Variants in INPP5B observed in about 807,000 individuals in gnomAD.
The protein encoded by INPP5B is inositol polyphosphate-5-phosphatase B, also known as type II inositol 1,4,5-trisphosphate 5-phosphatase.
Under a neutral mutation model 118.5 loss-of-function variants are expected in INPP5B, and 90 were observed. The ratio of observed to expected loss-of-function variants is 0.76; its 90% confidence interval spans 0.64 to 0.90. INPP5B has a LOEUF of 0.90. INPP5B is among the 40% of genes least tolerant of loss of function. The pLI is 0.00. For missense variants in INPP5B, 984 were observed against 1,125.6 expected (o/e 0.87, Z 1.80); for synonymous variants, 385 against 418.9 (o/e 0.92, Z 0.99).
At chr1:37,898,257 C>T (rs1204771612) in intron 7 of INPP5B, among the ~76,000 whole-genome samples, 1 of 151,940 alleles carries the variant, frequency 6.6e-6, no homozygotes, top group Non-Finnish European at 1.5e-5. Flanking sequence ...CAATGGTTGC[C>T]AGGGGTTTTG....
chr1:37,903,392 T>C (rs1644396864), intron 7 of INPP5B, among the ~76,000 whole-genome samples: 1 of 152,154 alleles, frequency 6.6e-6, no homozygotes, highest in East Asian at 1.9e-4. Context: ...ATGGGGAGGC[T>C]TGAATAATCT....
At chr1:37,865,481 G>C (rs978272803) in intron 22 of INPP5B, among the ~76,000 whole-genome samples, 2 of 152,180 alleles carry the variant, frequency 1.3e-5, no homozygotes, top group African/African-American at 4.8e-5. Context: ...AGTGCAATGA[G>C]AATGGAAGAG....
chr1:37,941,917 G>A lies in INPP5B; in HGVS notation c.281-1119C>T, dbSNP rs1448783849. On this transcript the variant is annotated intron_variant, in intron 5 of 23. Coordinates refer to ENST00000373024, the MANE Select transcript of INPP5B (RefSeq NM_005540.3). ...CGCGCCACTGCACTCCAGCCTGGGC[G>A]ACAGAGCGAGACTCCGTCTCAAAAA... Among the ~76,000 whole-genome samples the A allele has an allele frequency of 3.5e-4, 20 of 57,422 alleles. No homozygotes were observed. In the South Asian group the frequency reaches 5.0e-3, roughly 14 times the overall value. 37.7% of individuals were successfully genotyped at this position (57,422 alleles called of 152,430 possible). A position where few individuals can be genotyped will look rare whatever the true frequency, so the allele number is the denominator to read the frequency against.
rs766732597 is a variant in INPP5B, at chr1:37,872,997, G to C, written c.2120C>G (p.Pro707Arg). ...GNYLPSCFGS[P>R]IHTLCYMREP... ...TCTCATGTAACACAGTGTATGAATG[G>C]GAGACCCAAAACAGCTGGGCAGGTA... is the stretch of plus-strand genomic sequence containing the variant. Residue 707 changes from proline to arginine, a missense_variant, in exon 19 of 24, where the codon CCC (proline) becomes CGC (arginine). By Grantham distance (103) the Pro-to-Arg change is moderately radical. Coordinates refer to ENST00000373024, the MANE Select transcript of INPP5B (RefSeq NM_005540.3). The C allele has an allele frequency of 3.7e-6, 6 of 1,614,134 alleles. No homozygotes were observed. The highest frequency in any genetic ancestry group is 1.3e-5 in the African/African-American group (1 of 75,040).
Position 37,943,856 on chromosome 1 carries a change from C to G in INPP5B, c.190G>C (p.Gly64Arg). Reference protein sequence around the residue: ...LYTHRRMAITGDDVSLDQIVP... With the variant: ...LYTHRRMAITRDDVSLDQIVP... ...ATCTGGTCCAGAGAGACATCGTCCCCGGTAATGGCCATCCTCCGGTGCGTA... is the reference window on the plus strand; with the variant it reads ...ATCTGGTCCAGAGAGACATCGTCCCGGGTAATGGCCATCCTCCGGTGCGTA... Residue 64 changes from glycine to arginine, a missense_variant, in exon 4 of 24, where the codon GGG becomes CGG. By Grantham distance (125) the Gly-to-Arg change is moderately radical. Coordinates refer to ENST00000373024, the MANE Select transcript of INPP5B (RefSeq NM_005540.3). 1.9e-6 allele frequency: 3 copies of G among 1,614,076 alleles called. No individual in the cohort carries two copies. The highest frequency in any genetic ancestry group is 2.5e-6 in the Non-Finnish European group (3 of 1,179,998).
At chr1:37,932,134 C>T in intron 6 of INPP5B, 81 bp from the exon 7 acceptor site, 1 of 1,394,668 alleles carries the variant, frequency 7.2e-7, no homozygotes, top group South Asian at 1.5e-5. Flanking sequence ...CCAAGAGACT[C>T]CGGCCCTGTT....
chr1:37,863,150 C>T (rs920337663), intron 23 of INPP5B, among the ~76,000 whole-genome samples: 3 of 151,684 alleles, frequency 2.0e-5, no homozygotes, highest in Non-Finnish European at 4.4e-5. Flanking sequence ...GCCTGGGTGA[C>T]CATCTGGCTC....
chr1:37,901,659 C>T (rs995518787), intron 7 of INPP5B, among the ~76,000 whole-genome samples: 1 of 152,152 alleles, frequency 6.6e-6, no homozygotes, highest in African/African-American at 2.4e-5. Context: ...ACCAGAACAT[C>T]TTCACTCATT....
intron 7 of INPP5B, among the ~76,000 whole-genome samples, chr1:37,919,595 T>C (rs1310745365): frequency 2.0e-5 from 3 of 152,178 alleles, no homozygotes; most frequent in African/African-American, 7.2e-5. Flanking sequence ...AGTCAGGCTC[T>C]GTTGATGATG....
At chr1:37,934,663 A>G (rs551668521) in intron 6 of INPP5B, among the ~76,000 whole-genome samples, 3 of 152,266 alleles carry the variant, frequency 2.0e-5, no homozygotes, top group Admixed American at 2.0e-4. Flanking sequence ...GGAAATCCCC[A>G]TCATGACAAG....
chr1:37,884,777 CCA>C (rs769839481), intron 13 of INPP5B, among the ~76,000 whole-genome samples: 20 of 151,634 alleles, frequency 1.3e-4, no homozygotes, highest in Non-Finnish European at 2.5e-4. Context: ...TGGTGAAACC[CCA>C]CTCTCTACTC....
In INPP5B at chr1:37,885,813, C is replaced by T. The variant is rs752486762; in HGVS notation, c.1144G>A (p.Gly382Ser). 1 of 1,614,024 alleles carries T rather than the reference C, an allele frequency of 6.2e-7. No individual in the cohort carries two copies. Among genetic ancestry groups the T allele is most frequent in the African/African-American group, 1.3e-5 (1 of 75,060 alleles). The change falls in exon 13 of 24, where the codon GGC (glycine) becomes AGC (serine). Residue 382 changes from glycine (G) to serine (S), a missense_variant. By Grantham distance (56) the Gly-to-Ser change is moderately conservative. Coordinates refer to ENST00000373024, the MANE Select transcript of INPP5B (RefSeq NM_005540.3). Reference sequence around the variant, plus strand: ...TGGAACTGGAACCTGATCGCCACGCCTCCCTTGTTGCCCTATGGAAAGGAT... The same window carrying T: ...TGGAACTGGAACCTGATCGCCACGCTTCCCTTGTTGCCCTATGGAAAGGAT... ...GIMGRMGNKG[G>S]VAIRFQFHNT...
intron 16 of INPP5B, 120 bp from the exon 17 acceptor site, chr1:37,875,836 T>C: frequency 1.5e-6 from 1 of 669,014 alleles, no homozygotes; most frequent in Admixed American, 2.6e-5. Context: ...AAACAAAGGC[T>C]ATAGATTTAG....
In INPP5B at chr1:37,874,080, G is replaced by T; in HGVS notation, c.1864C>A (p.His622Asn). The part of the protein sequence containing the change: ...FTIHNGQVPC[H>N]FEFINKPDEE... ...TCAGGCTTGTTGATGAATTCAAAAT[G>T]ACAGGGTACTTGTCCATTATGAATT... is the stretch of plus-strand genomic sequence containing the variant. Residue 622 changes from histidine to asparagine, a missense_variant, in exon 18 of 24, where the codon CAT becomes AAT. Around this residue, in one of 2 missense-constraint regions of INPP5B, gnomAD observed 634 missense variants for 791.0 expected, o/e 0.80. Transcript: ENST00000373024. 1 of 1,608,132 alleles carries T rather than the reference G, an allele frequency of 6.2e-7. No individual in the cohort carries two copies. The highest frequency in any genetic ancestry group is 8.5e-7 in the Non-Finnish European group (1 of 1,175,472).
At chr1:37,884,994 C>T (rs1322912821) in intron 13 of INPP5B, 1 of 152,076 alleles carries the variant, frequency 6.6e-6, no homozygotes, top group Non-Finnish European at 1.5e-5. Flanking sequence ...TTCCCAAGGA[C>T]ACATGATGCT....
chr1:37,864,304 C>A lies in INPP5B; in HGVS notation c.2626+8G>T. 1 of 1,495,858 alleles carries A rather than the reference C, an allele frequency of 6.7e-7. No individual in the cohort carries two copies. The highest frequency in any genetic ancestry group is 1.1e-5 in the South Asian group (1 of 87,302). 92.7% of individuals were successfully genotyped at this position (1,495,858 alleles called of 1,614,324 possible). Reference sequence around the variant, plus strand: ...AGAAATGCTTTCCATAGACATTTGGCTGCTTACCTAGAATATTCTCATCCA... The same window carrying A: ...AGAAATGCTTTCCATAGACATTTGGATGCTTACCTAGAATATTCTCATCCA... On this transcript the variant is annotated splice_region_variant and intron_variant, in intron 23 of 23. Transcript: ENST00000373024.
At position 37,908,676 on chromosome 1, in the gene INPP5B, G is replaced by T. The variant is rs562432750; in HGVS notation, c.533-17222C>A. On this transcript the variant is annotated intron_variant, in intron 7 of 23. Transcript: ENST00000373024. ...GACTCGGGAAGATAGTCTTCCCTTG[G>T]TGTTTAATCACTGCGGAGATGCCTG... 3.2e-3 allele frequency among the ~76,000 whole-genome samples: 493 copies of T among 152,124 alleles called. 4 individuals carry two copies. The highest frequency in any genetic ancestry group is 4.8e-3 in the Non-Finnish European group (327 of 68,024).
chr1:37,896,626 C>T (rs1310756674), intron 7 of INPP5B, among the ~76,000 whole-genome samples: 9 of 143,738 alleles, frequency 6.3e-5, no homozygotes, highest in South Asian at 2.2e-4. Context: ...CCCGGCCAGC[C>T]GCCCCGTCCG....
chr1:37,872,351 C>T (rs1569996310), intron 19 of INPP5B, among the ~76,000 whole-genome samples: 1 of 97,516 alleles, frequency 1.0e-5, no homozygotes. Flanking sequence ...GCCTGGGCAA[C>T]AAGAGTGAAA....
Sources: gnomAD v4.1 joint callset for allele counts (sites outside exome capture counted in the v4.1 genomes callset) on GRCh38, gnomAD v4.1.1 for gene constraint, gnomAD v4.1.1 regional missense constraint, MANE v1.5 for transcripts, NCBI Gene and HGNC (gene_info 2026-07-23, HGNC 2026-07-21) for gene names.